LPP: variants seen among roughly 807,000 people sequenced by gnomAD.
The protein encoded by LPP is lipoma-preferred partner.
A neutral mutation model predicts 60.4 loss-of-function variants in LPP; 38 were observed. The observed-to-expected ratio is 0.63, with a 90% confidence interval of 0.49 to 0.83. The LOEUF is 0.83. Ranked by LOEUF, LPP falls within the 40% of genes least tolerant of loss-of-function variation. The probability of loss-of-function intolerance (pLI) is 0.00; values close to 1 mark genes in which losing one functional copy is unlikely to be tolerated. For missense variants in LPP, 902 were observed against 783.6 expected (o/e 1.15, Z -1.80); for synonymous variants, 328 against 290.8 (o/e 1.13, Z -1.30).
intron 4 of LPP, among the ~76,000 whole-genome samples, chr3:188,408,696 C>T (rs904612713): frequency 1.3e-5 from 2 of 152,074 alleles, no homozygotes. Flanking sequence ...GTAGTATATG[C>T]CAGGCTCTAT....
chr3:188,765,426 A>G (rs1269470148), intron 9 of LPP, among the ~76,000 whole-genome samples: 1 of 151,648 alleles, frequency 6.6e-6, no homozygotes, highest in Admixed American at 6.6e-5. Context: ...TTTGTCAAGC[A>G]CTCTCTTGGG....
chr3:188,254,749 A>G (rs1731078754), intron 2 of LPP, among the ~76,000 whole-genome samples: 1 of 152,142 alleles, frequency 6.6e-6, no homozygotes, highest in African/African-American at 2.4e-5. Flanking sequence ...TCCTCGGGTG[A>G]AAGATGTGGC....
chr3:188,178,886 G>A lies in LPP; in HGVS notation c.-190+24634G>A, dbSNP rs112632351. The stretch of plus-strand genomic sequence containing the variant: ...ATGGAAGAAGTTTCCTAGTAGCAGG[G>A]TGGGTGAGAGAGTCCATCATCATTG... On this transcript the variant is annotated intron_variant, in intron 1 of 11. Transcript: ENST00000617246. 2.6e-4 allele frequency: 59 copies of A among 222,844 alleles called. 1 individual carries two copies. Among genetic ancestry groups the A allele is most frequent in the African/African-American group, 1.3e-3 (57 of 43,336 alleles). The allele number at this position is 222,844 out of a possible 1,614,324, so 13.8% of individuals were successfully genotyped here.
chr3:188,166,175 T>C (rs1719897166), intron 1 of LPP, among the ~76,000 whole-genome samples: 1 of 151,572 alleles, frequency 6.6e-6, no homozygotes. Context: ...TTTTCTTCTT[T>C]CTTCTTCTTC....
chr3:188,808,599 A>C (rs1272987634), intron 9 of LPP, among the ~76,000 whole-genome samples: 1 of 152,142 alleles, frequency 6.6e-6, no homozygotes, highest in Non-Finnish European at 1.5e-5. Flanking sequence ...CCTTTCCCAG[A>C]GCTGCTGCTG....
At chr3:188,340,379 A>G (rs1365368804) in intron 2 of LPP, among the ~76,000 whole-genome samples, 1 of 148,200 alleles carries the variant, frequency 6.7e-6, no homozygotes, top group Non-Finnish European at 1.5e-5. Flanking sequence ...CTTGCAGGGC[A>G]TCTGATCAAT....
At chr3:188,350,759 G>A (rs1765625206) in intron 3 of LPP, among the ~76,000 whole-genome samples, 1 of 152,164 alleles carries the variant, frequency 6.6e-6, no homozygotes, top group African/African-American at 2.4e-5. Context: ...GAAGATAGGT[G>A]GGGTGGACAT....
chr3:188,649,758 A>G (rs1254555834), intron 7 of LPP, among the ~76,000 whole-genome samples: 21 of 152,332 alleles, frequency 1.4e-4, no homozygotes, highest in Admixed American at 1.2e-3. Context: ...TCCTGAGTCA[A>G]CTATGATTCC....
intron 4 of LPP, among the ~76,000 whole-genome samples, chr3:188,407,960 G>A (rs746456408): frequency 3.3e-5 from 5 of 151,680 alleles, no homozygotes; most frequent in Admixed American, 6.6e-5. Context: ...GACTAATTTT[G>A]TATTTTTAGT....
chr3:188,488,010 A>C (rs920600722), intron 5 of LPP, among the ~76,000 whole-genome samples: 2 of 141,974 alleles, frequency 1.4e-5, no homozygotes, highest in East Asian at 2.2e-4. Flanking sequence ...GTATTTGCTA[A>C]ATTAATTTCC....
chr3:188,216,138 A>C (rs986546634), intron 1 of LPP, among the ~76,000 whole-genome samples: 15 of 152,206 alleles, frequency 9.9e-5, no homozygotes, highest in African/African-American at 3.6e-4. Context: ...ACCTCAGATC[A>C]TTTCTGGAAC....
At chr3:188,233,761 C>T (rs1245256886) in intron 2 of LPP, among the ~76,000 whole-genome samples, 1 of 152,132 alleles carries the variant, frequency 6.6e-6, no homozygotes, top group Non-Finnish European at 1.5e-5. Flanking sequence ...CCATTTATTA[C>T]ACTTAAGGCC....
At chr3:188,787,381 A>G (rs1252349153) in intron 9 of LPP, among the ~76,000 whole-genome samples, 1 of 152,160 alleles carries the variant, frequency 6.6e-6, no homozygotes, top group Non-Finnish European at 1.5e-5. Context: ...ATTTAAAATC[A>G]AAATTAAAAA....
chr3:188,809,430 A>T (rs548033608), intron 9 of LPP, among the ~76,000 whole-genome samples: 1 of 152,138 alleles, frequency 6.6e-6, no homozygotes, highest in African/African-American at 2.4e-5. Flanking sequence ...TTATCTAATG[A>T]TCAGTGTCAT....
chr3:188,495,082 A>ATATATATATATATATT lies in LPP; in HGVS notation c.306+10379_306+10380insATATATATATATATTT, dbSNP rs1342207321. On this transcript the variant is annotated intron_variant, in intron 5 of 11. Coordinates refer to ENST00000617246, the MANE Select transcript of LPP (RefSeq NM_001375462.1). ...CAGGATTTTATATATATATATATAT[A>ATATATATATATATATT]TTTTATTTATATTTTATTATATATT... Among the ~76,000 whole-genome samples the ATATATATATATATATT allele has an allele frequency of 2.7e-3, 261 of 97,236 alleles. 11 individuals carry two copies. Among genetic ancestry groups the ATATATATATATATATT allele is most frequent in the Non-Finnish European group, 3.3e-3 (167 of 50,248 alleles). The allele number at this position is 97,236 out of a possible 152,430, so 63.8% of individuals were successfully genotyped here.
intron 2 of LPP, among the ~76,000 whole-genome samples, chr3:188,277,421 T>C (rs1740369305): frequency 6.6e-6 from 1 of 152,204 alleles, no homozygotes; most frequent in Non-Finnish European, 1.5e-5. Context: ...CTCTCTTCTC[T>C]ATTAGTTTTT....
chr3:188,277,810 G>A (rs958709061), intron 2 of LPP, among the ~76,000 whole-genome samples: 6 of 152,178 alleles, frequency 3.9e-5, no homozygotes, highest in Admixed American at 3.3e-4. Flanking sequence ...TTGACCACAC[G>A]GTTGATCATG....
intron 7 of LPP, among the ~76,000 whole-genome samples, chr3:188,652,406 C>G (rs1580708826): frequency 6.6e-6 from 1 of 152,082 alleles, no homozygotes; most frequent in East Asian, 1.9e-4. Context: ...TCCTCTGTCA[C>G]CAGTTGGGTT....
At chr3:188,592,557 G>GTTGTTTGTTTTTTTTTT (rs1553936334) in intron 6 of LPP, among the ~76,000 whole-genome samples, 13 of 85,740 alleles carry the variant, frequency 1.5e-4, no homozygotes, top group South Asian at 5.7e-4. Context: ...TTTTGTTTTT[G>GTTGTTTGTTTTTTTTTT]TTTTTTAAAT....
Sources: allele counts gnomAD v4.1 joint callset (sites outside exome capture counted in the v4.1 genomes callset), GRCh38; gene constraint gnomAD v4.1.1; transcripts MANE v1.5; gene names NCBI Gene and HGNC (gene_info 2026-07-23, HGNC 2026-07-21).